The following GSTCD variants were observed in gnomAD, a reference collection of about 807,000 sequenced individuals.
GSTCD encodes glutathione S-transferase C-terminal domain-containing protein.
In GSTCD, 44 loss-of-function variants were observed where a neutral mutation model predicts 68.3. The ratio of observed to expected loss-of-function variants is 0.64; its 90% CI spans 0.51 to 0.83. The LOEUF is 0.83. GSTCD is among the 40% of genes least tolerant of loss of function. The pLI, the probability that GSTCD is intolerant of heterozygous loss-of-function variation, is 0.00. For synonymous variants in GSTCD, 273 were observed against 255.2 expected, an observed-to-expected ratio of 1.07 and a Z score of -0.67; for missense variants, 739 against 735.9, an observed-to-expected ratio of 1.00 and a Z score of -0.05.
At chr4:105,765,953 T>G (rs1734590536) in intron 5 of GSTCD, among the ~76,000 whole-genome samples, 1 of 152,186 alleles carries the variant, frequency 6.6e-6, no homozygotes, top group Admixed American at 6.5e-5. Context: ...ACCTCTTTAC[T>G]TTATAAATTA....
intron 5 of GSTCD, among the ~76,000 whole-genome samples, chr4:105,775,468 C>T (rs948792523): frequency 6.6e-6 from 1 of 152,204 alleles, no homozygotes; most frequent in African/African-American, 2.4e-5. Flanking sequence ...ACTGGTTTTT[C>T]ATCATCTTCG....
At chr4:105,743,179 T>C (rs1457027662) in intron 5 of GSTCD, among the ~76,000 whole-genome samples, 1 of 152,122 alleles carries the variant, frequency 6.6e-6, no homozygotes, top group African/African-American at 2.4e-5. Context: ...CTCGATCTCC[T>C]GACCTCATGA....
chr4:105,717,671 C>A lies in GSTCD; in HGVS notation c.58C>A (p.His20Asn). ...AGAATACCTGTACCTGGACTTTTCT[C>A]ACCAAACAGAAGGATGCATCTTTCC... is the stretch of plus-strand genomic sequence containing the variant. ...EEEYLYLDFS[H>N]QTEGCIFPLH... Residue 20 changes from histidine to asparagine, a missense_variant, in exon 2 of 12, where the codon CAC (histidine) becomes AAC (asparagine). Physicochemically the swap from His to Asn is moderately conservative, Grantham distance 68 (BLOSUM62 1). Coordinates refer to ENST00000515279, the MANE Select transcript of GSTCD (RefSeq NM_001370181.1). The A allele has an allele frequency of 6.2e-7, 1 of 1,609,158 alleles. No homozygotes were observed. The highest frequency in any genetic ancestry group is 8.5e-7 in the Non-Finnish European group (1 of 1,178,262).
chr4:105,834,116 GA>G (rs913720087), intron 8 of GSTCD, among the ~76,000 whole-genome samples: 1 of 152,176 alleles, frequency 6.6e-6, no homozygotes, highest in Non-Finnish European at 1.5e-5. Flanking sequence ...AAGGCCCAAA[GA>G]AGCTAAATTT....
At chr4:105,765,863 A>C (rs1452289238) in intron 5 of GSTCD, among the ~76,000 whole-genome samples, 1 of 152,064 alleles carries the variant, frequency 6.6e-6, no homozygotes, top group Non-Finnish European at 1.5e-5. Flanking sequence ...ATGTGAAGAA[A>C]GACGTGTTTG....
Position 105,726,590 on chromosome 4 carries a change from C to T in GSTCD, c.906C>T (p.Ser302=), listed in dbSNP as rs1206250587. The T allele has an allele frequency of 6.3e-7, 1 of 1,586,102 alleles. No individual in the cohort carries two copies. Among genetic ancestry groups the T allele is most frequent in the Non-Finnish European group, 8.6e-7 (1 of 1,163,484 alleles). The change falls in exon 4 of 12, where the codon AGC becomes AGT. Residue 302 remains serine, a synonymous_variant. Coordinates refer to ENST00000515279, the MANE Select transcript of GSTCD (RefSeq NM_001370181.1). The part of the protein sequence containing the change: ...PCIHHFLVII[S]RKFSEKLVEF... Reference sequence around the variant, plus strand: ...ATTTTCCTACCTAGGTAATTATCAGCAGGAAATTTTCTGAGAAGCTGGTAG... The same window carrying T: ...ATTTTCCTACCTAGGTAATTATCAGTAGGAAATTTTCTGAGAAGCTGGTAG...
At chr4:105,754,969 C>T (rs1734129595) in intron 5 of GSTCD, among the ~76,000 whole-genome samples, 1 of 141,086 alleles carries the variant, frequency 7.1e-6, no homozygotes, top group Non-Finnish European at 1.5e-5. Context: ...CCTGTAATCC[C>T]AGCACTTTGG....
chr4:105,797,657 A>G (rs1283954475), intron 5 of GSTCD, among the ~76,000 whole-genome samples: 1 of 152,126 alleles, frequency 6.6e-6, no homozygotes, highest in Non-Finnish European at 1.5e-5. Context: ...AATTGTTAAA[A>G]TAAGACAACA....
chr4:105,789,453 G>A lies in GSTCD; in HGVS notation c.1241-33501G>A, dbSNP rs139922752. Among the ~76,000 whole-genome samples the A allele has an allele frequency of 9.1e-3, 1,381 of 152,040 alleles. 31 individuals are homozygous for A. Among genetic ancestry groups the A allele is most frequent in the African/African-American group, 0.03 (1,231 of 41,380 alleles). On this transcript the variant is annotated intron_variant, in intron 5 of 11. Transcript: ENST00000515279. Reference sequence around the variant, plus strand: ...CAACTTGGAGAGGACCCACTTCCAAGTCCATTTACATGTCTGTTAGCAGGA... The same window carrying A: ...CAACTTGGAGAGGACCCACTTCCAAATCCATTTACATGTCTGTTAGCAGGA...
At chr4:105,822,838 T>C (rs1007342281) in intron 5 of GSTCD, 116 bp from the exon 6 acceptor site, 1 of 660,168 alleles carries the variant, frequency 1.5e-6, no homozygotes, top group Non-Finnish European at 2.7e-6. Flanking sequence ...TATGTATGTA[T>C]GTGTGTATGC....
intron 5 of GSTCD, 28 bp downstream of exon 5, chr4:105,729,527 A>C (rs1733157879): frequency 2.0e-6 from 3 of 1,468,262 alleles, no homozygotes; most frequent in Non-Finnish European, 1.9e-6. Context: ...TTTAAGTTTT[A>C]TTCATACTTT....
chr4:105,794,719 T>C (rs560473038), intron 5 of GSTCD, among the ~76,000 whole-genome samples: 36 of 151,998 alleles, frequency 2.4e-4, no homozygotes, highest in Non-Finnish European at 4.6e-4. Flanking sequence ...AGTATATTCA[T>C]ATATGAAATA....
intron 5 of GSTCD, among the ~76,000 whole-genome samples, chr4:105,773,748 A>T (rs1734946457): frequency 6.6e-6 from 1 of 152,086 alleles, no homozygotes; most frequent in South Asian, 2.1e-4. Flanking sequence ...GTTCTTTTGC[A>T]TTTGCTGTGG....
intron 5 of GSTCD, among the ~76,000 whole-genome samples, chr4:105,815,658 T>A (rs1188714821): frequency 6.6e-6 from 1 of 152,164 alleles, no homozygotes; most frequent in African/African-American, 2.4e-5. Flanking sequence ...TTAACCTAAT[T>A]ACTGTGAAAC....
chr4:105,825,458 T>G (rs1384008633), intron 7 of GSTCD, among the ~76,000 whole-genome samples: 1 of 152,168 alleles, frequency 6.6e-6, no homozygotes, highest in African/African-American at 2.4e-5. Flanking sequence ...CTTGTTTCAC[T>G]TATATCACTA....
At chr4:105,819,888 A>G (rs1430358577) in intron 5 of GSTCD, among the ~76,000 whole-genome samples, 1 of 151,718 alleles carries the variant, frequency 6.6e-6, no homozygotes, top group African/African-American at 2.4e-5. Flanking sequence ...TATTAAAAAA[A>G]AAACACACAG....
chr4:105,769,932 A>T (rs942509023), intron 5 of GSTCD, among the ~76,000 whole-genome samples: 4 of 151,992 alleles, frequency 2.6e-5, no homozygotes, highest in Admixed American at 2.6e-4. Flanking sequence ...TTTTAAAAAA[A>T]TTTTGAATAG....
intron 5 of GSTCD, among the ~76,000 whole-genome samples, chr4:105,752,661 C>T (rs1034473504): frequency 6.6e-6 from 1 of 151,942 alleles, no homozygotes; most frequent in African/African-American, 2.4e-5. Context: ...GTTTTGACTT[C>T]ACTAAGTTGT....
At chr4:105,829,354 G>A (rs1443826334) in intron 8 of GSTCD, among the ~76,000 whole-genome samples, 2 of 152,024 alleles carry the variant, frequency 1.3e-5, no homozygotes, top group African/African-American at 4.8e-5. Flanking sequence ...ACCAAACATG[G>A]AAAACTTCCA....
Sources: gnomAD v4.1 joint callset for allele counts (sites outside exome capture counted in the v4.1 genomes callset) on GRCh38, gnomAD v4.1.1 for gene constraint, MANE v1.5 for transcripts, NCBI Gene and HGNC (gene_info 2026-07-23, HGNC 2026-07-21) for gene names.